CDK14: variants seen among roughly 807,000 people sequenced by gnomAD.
CDK14 encodes cyclin dependent kinase 14, also known as cyclin-dependent kinase 14.
In CDK14, 34 loss-of-function variants were observed where a neutral mutation model predicts 60.7. The ratio of observed to expected loss-of-function variants is 0.56; its 90% CI spans 0.43 to 0.75. The LOEUF (loss-of-function observed/expected upper bound fraction) is 0.75. CDK14 is among the 30% of genes least tolerant of loss of function. The pLI is 0.00. For missense variants in CDK14, 482 were observed against 564.1 expected (o/e 0.85, Z 1.47); for synonymous variants, 197 against 203.7 (o/e 0.97, Z 0.28).
chr7:91,199,394 C>T (rs938972593), intron 14 of CDK14, among the ~76,000 whole-genome samples: 1 of 151,940 alleles, frequency 6.6e-6, no homozygotes, highest in Non-Finnish European at 1.5e-5. Flanking sequence ...GTACTTTTCC[C>T]TATGTTTGTT....
intron 6 of CDK14, among the ~76,000 whole-genome samples, chr7:90,867,288 G>A (rs1032926516): frequency 1.3e-5 from 2 of 152,040 alleles, no homozygotes; most frequent in Non-Finnish European, 2.9e-5. Context: ...ATTGACTCCC[G>A]AATATATTTA....
At position 90,635,513 on chromosome 7, in the gene CDK14, AC is replaced by A. The variant is rs1274240844; in HGVS notation, c.123+31266del. ...TCTATATCTCTGTTTTGGTACCAGT[AC>A]CATGCTGTTTTGGTTACTGTAGCCT... On this transcript the variant is annotated intron_variant, in intron 2 of 14. Coordinates refer to ENST00000380050, the MANE Select transcript of CDK14 (RefSeq NM_001287135.2). 1.7e-3 allele frequency among the ~76,000 whole-genome samples: 258 copies of A among 152,304 alleles called. 1 individual carries two copies. Among genetic ancestry groups the A allele is most frequent in the African/African-American group, 6.1e-3 (253 of 41,558 alleles).
chr7:90,746,256 T>A (rs1369138243), intron 3 of CDK14, among the ~76,000 whole-genome samples: 1 of 152,234 alleles, frequency 6.6e-6, no homozygotes, highest in Non-Finnish European at 1.5e-5. Flanking sequence ...ATTTATTGTT[T>A]TTGAAAAATA....
In CDK14 at chr7:91,023,715, A is replaced by G. The variant is rs150783157; in HGVS notation, c.1042-22182A>G. Reference sequence around the variant, plus strand: ...ACAATGTTGGGAAACAGGTGTTATCATTATCCCATATTCCATAAAAGGAAA... The same window carrying G: ...ACAATGTTGGGAAACAGGTGTTATCGTTATCCCATATTCCATAAAAGGAAA... On this transcript the variant is annotated intron_variant, in intron 10 of 14. Coordinates refer to ENST00000380050, the MANE Select transcript of CDK14 (RefSeq NM_001287135.2). Among the ~76,000 whole-genome samples the G allele has an allele frequency of 3.7e-3, 557 of 152,254 alleles. 2 individuals carry two copies. Among genetic ancestry groups the G allele is most frequent in the Non-Finnish European group, 6.4e-3 (435 of 68,010 alleles).
intron 12 of CDK14, among the ~76,000 whole-genome samples, chr7:91,087,502 T>C (rs528170114): frequency 5.3e-5 from 8 of 152,336 alleles, no homozygotes; most frequent in African/African-American, 1.9e-4. Flanking sequence ...GGAAGCTCAT[T>C]AACCTCTCTG....
intron 6 of CDK14, among the ~76,000 whole-genome samples, chr7:90,871,227 G>A (rs1027888064): frequency 6.6e-6 from 1 of 152,134 alleles, no homozygotes. Context: ...ATAATAAAAT[G>A]ATGAGCCTAA....
chr7:90,731,631 GCTGT>G (rs555185102), intron 3 of CDK14, among the ~76,000 whole-genome samples: 2,438 of 152,100 alleles, frequency 0.016, 30 homozygotes, highest in Non-Finnish European at 0.027. Context: ...TCATGATTTG[GCTGT>G]CTGTTTGTCT....
intron 14 of CDK14, among the ~76,000 whole-genome samples, chr7:91,180,563 T>C (rs901597895): frequency 1.3e-5 from 2 of 152,180 alleles, no homozygotes; most frequent in African/African-American, 2.4e-5. Flanking sequence ...CGAGCAGAAT[T>C]GTTTTTTTGC....
At chr7:91,010,256 C>T (rs1796111283) in intron 10 of CDK14, among the ~76,000 whole-genome samples, 1 of 151,830 alleles carries the variant, frequency 6.6e-6, no homozygotes, top group Non-Finnish European at 1.5e-5. Context: ...CCTTTGTATT[C>T]CCATGTGAAT....
chr7:90,793,814 T>C (rs1024847374), intron 5 of CDK14, among the ~76,000 whole-genome samples: 9 of 152,210 alleles, frequency 5.9e-5, no homozygotes, highest in Non-Finnish European at 2.9e-5. Flanking sequence ...CTCATTTATG[T>C]ATTGTCTATG....
At chr7:90,807,109 G>A (rs1342120238) in intron 5 of CDK14, among the ~76,000 whole-genome samples, 1 of 152,236 alleles carries the variant, frequency 6.6e-6, no homozygotes, top group African/African-American at 2.4e-5. Context: ...TGACAGCTTT[G>A]AAGAGAGTAG....
chr7:90,823,916 T>C (rs1789633947), intron 5 of CDK14, among the ~76,000 whole-genome samples: 1 of 152,174 alleles, frequency 6.6e-6, no homozygotes, highest in East Asian at 1.9e-4. Flanking sequence ...GCACTTTTCA[T>C]ATTTCTTGGA....
At chr7:90,774,845 G>A (rs961562426) in intron 4 of CDK14, among the ~76,000 whole-genome samples, 1 of 152,166 alleles carries the variant, frequency 6.6e-6, no homozygotes, top group Non-Finnish European at 1.5e-5. Flanking sequence ...TGACCCTCGA[G>A]GGCTGTTTTA....
rs202110593 is a variant in CDK14, at chr7:90,736,746, A to G, written c.369+9934A>G. On this transcript the variant is annotated intron_variant, in intron 3 of 14. Transcript: ENST00000380050. ...AGTGTGGCATTGCAGCCACTGTTTT[A>G]ATGAGGAAAGCATTGTTTTTTGGAA... Among the ~76,000 whole-genome samples the G allele has an allele frequency of 3.3e-5, 5 of 152,302 alleles. No individual in the cohort carries two copies. The East Asian group carries it at 9.6e-4, about 29-fold the overall frequency.
At chr7:91,095,757 T>C (rs1308298816) in intron 12 of CDK14, among the ~76,000 whole-genome samples, 1 of 151,998 alleles carries the variant, frequency 6.6e-6, no homozygotes, top group Non-Finnish European at 1.5e-5. Context: ...CATATTACTA[T>C]AAAAAGTCTG....
intron 2 of CDK14, among the ~76,000 whole-genome samples, chr7:90,657,158 C>G (rs1331245844): frequency 6.6e-6 from 1 of 152,110 alleles, no homozygotes; most frequent in Non-Finnish European, 1.5e-5. Flanking sequence ...AAGAGACTAT[C>G]ATAGTTTTAC....
intron 9 of CDK14, among the ~76,000 whole-genome samples, chr7:90,958,549 A>G (rs537104571): frequency 6.6e-6 from 1 of 152,214 alleles, no homozygotes; most frequent in East Asian, 1.9e-4. Flanking sequence ...ACACAGTTAG[A>G]TCTTTTTTTC....
At chr7:90,778,846 ACCTTCCTTCCTTCCTTCCTT>A (rs35971285) in intron 4 of CDK14, among the ~76,000 whole-genome samples, 10 of 127,972 alleles carry the variant, frequency 7.8e-5, no homozygotes, top group Non-Finnish European at 1.3e-4. Flanking sequence ...AAATTGACCG[ACCTTCCTTCCTTCCTTCCTT>A]CCTTCCTTCC....
chr7:90,988,226 A>G (rs918060234), intron 10 of CDK14, among the ~76,000 whole-genome samples: 3 of 151,782 alleles, frequency 2.0e-5, no homozygotes, highest in African/African-American at 7.3e-5. Flanking sequence ...CATTTCTGGA[A>G]CATAATAACC....
Sources: allele counts gnomAD v4.1 joint callset (sites outside exome capture counted in the v4.1 genomes callset), GRCh38; gene constraint gnomAD v4.1.1; transcripts MANE v1.5; gene names NCBI Gene and HGNC (gene_info 2026-07-23, HGNC 2026-07-21).